HPSE: variants seen among roughly 807,000 people sequenced by gnomAD.
The protein encoded by HPSE is endo-glucoronidase.
Under a neutral mutation model 65.1 loss-of-function variants are expected in HPSE, and 48 were observed. The observed-to-expected ratio is 0.74, with a 90% CI of 0.58 to 0.94. The LOEUF is 0.94. HPSE is among the 40% of genes least tolerant of loss of function. HPSE has a pLI of 0.00. For missense variants in HPSE, 644 were observed against 637.5 expected (o/e 1.01, Z -0.11); for synonymous variants, 243 against 260.0 (o/e 0.93, Z 0.63).
intron 3 of HPSE, 66 bp downstream of exon 3, chr4:83,319,276 TGC>T: frequency 6.7e-7 from 1 of 1,500,490 alleles, no homozygotes; most frequent in Non-Finnish European, 9.2e-7. Context: ...GCTAGATTGG[TGC>T]CCGAGTCCAA....
At chr4:83,316,719 A>G (rs758275174) in intron 3 of HPSE, among the ~76,000 whole-genome samples, 3 of 152,192 alleles carry the variant, frequency 2.0e-5, no homozygotes, top group African/African-American at 2.4e-5. Flanking sequence ...TTACATCTGT[A>G]ACACTGCTTC....
rs545442384 is a variant in HPSE, at chr4:83,318,264, T to C, written c.499+1080A>G. ...GAGCAGGTTATTTCTTTAACTGAGA[T>C]ATGGGAACATCATCCCTCAGTGGGG... On this transcript the variant is annotated intron_variant, in intron 3 of 11. Transcript: ENST00000311412. Among the ~76,000 whole-genome samples, 5 of 152,330 alleles carry C rather than the reference T, an allele frequency of 3.3e-5. No homozygotes were observed. The East Asian group carries it at 7.7e-4, about 23-fold the overall frequency.
chr4:83,332,922 C>A (rs980229809), intron 1 of HPSE, among the ~76,000 whole-genome samples: 2 of 126,396 alleles, frequency 1.6e-5, no homozygotes, highest in African/African-American at 2.9e-5. Flanking sequence ...CAGTAACCGC[C>A]CCCCCCCACC....
At position 83,309,444 on chromosome 4, in the gene HPSE, A is replaced by G. The variant is rs2126187403; in HGVS notation, c.942T>C (p.Asp314=). The change falls in exon 7 of 12, where the codon GAT becomes GAC. Residue 314 remains aspartate, a synonymous_variant. Coordinates refer to ENST00000311412, the MANE Select transcript of HPSE (RefSeq NM_001098540.3). ...TATKEDFLNP[D]VLDIFISSVQ... is the part of the protein sequence containing the mutation. ...CAGATGAAATAAAAATGTCCAATAC[A>G]TCAGGGTTTAGAAAATCTTCCTTGG... 2 of 1,595,322 alleles carry G rather than the reference A, an allele frequency of 1.3e-6. No homozygotes were observed. The highest frequency in any genetic ancestry group is 1.7e-6 in the Non-Finnish European group (2 of 1,166,844).
At chr4:83,333,156 AT>A (rs1397687301) in intron 1 of HPSE, among the ~76,000 whole-genome samples, 1 of 152,214 alleles carries the variant, frequency 6.6e-6, no homozygotes, top group Non-Finnish European at 1.5e-5. Context: ...AAACCGGTGA[AT>A]GGCTACCAAA....
chr4:83,295,534 C>T (rs771371566), intron 11 of HPSE, 31 bp from the exon 12 acceptor site: 1 of 1,521,832 alleles, frequency 6.6e-7, no homozygotes, highest in Non-Finnish European at 8.9e-7. Flanking sequence ...CCGAGTTAAC[C>T]AAGTGGTGCA....
chr4:83,326,026 C>T lies in HPSE; in HGVS notation c.228-3662G>A, dbSNP rs1737140816. On this transcript the variant is annotated intron_variant, in intron 1 of 11. Transcript: ENST00000311412. The surrounding 1 kb of genome is among the most constrained non-coding windows in gnomAD (Gnocchi z 4.2). ...CCCGTAAGCCACATGTCCAGGAGTG[C>T]CAACTTTATATGAGGGCAACGGTGA... Among the ~76,000 whole-genome samples, 8 of 152,152 alleles carry T rather than the reference C, an allele frequency of 5.3e-5. No individual in the cohort carries two copies. In the South Asian group the frequency reaches 1.7e-3, roughly 32 times the overall value.
intron 1 of HPSE, among the ~76,000 whole-genome samples, chr4:83,332,362 A>G (rs1737410918): frequency 6.6e-6 from 1 of 152,188 alleles, no homozygotes; most frequent in African/African-American, 2.4e-5. Flanking sequence ...TCCCTCTTTT[A>G]GGTCTTAGCA....
At position 83,310,847 on chromosome 4, in the gene HPSE, C is replaced by T. The variant is rs140765573; in HGVS notation, c.717G>A (p.Gly239=). Residue 239 remains glycine (G), a synonymous_variant, in exon 5 of 12, where the codon GGG becomes GGA. Transcript: ENST00000311412. ...FLKKADIFIN[G]SQLGEDFIQL... is the part of the protein sequence containing the mutation. ...GAATAAAATCTTCTCCTAACTGCGA[C>T]CCATTGATGAAAATATCAGCCTTCT... 3.1e-6 allele frequency: 5 copies of T among 1,613,782 alleles called. No individual in the cohort carries two copies. The African/African-American group carries it at 5.3e-5, about 17-fold the overall frequency.
Position 83,326,173 on chromosome 4 carries a change from G to A in HPSE, c.228-3809C>T, listed in dbSNP as rs1357770824. On this transcript the variant is annotated intron_variant, in intron 1 of 11. Transcript: ENST00000311412. The surrounding 1 kb of genome is among the most constrained non-coding windows in gnomAD (Gnocchi z 4.2). ...AGGTAACAGCTCAGAGATGGAGAGA[G>A]ATGGATAAATTCAAGACACACTTAG... 1.3e-5 allele frequency among the ~76,000 whole-genome samples: 2 copies of A among 152,156 alleles called. No individual in the cohort carries two copies. The highest frequency in any genetic ancestry group is 2.9e-5 in the Non-Finnish European group (2 of 68,038).
Position 83,334,794 on chromosome 4 carries a change from C to G in HPSE, c.-12G>C. ...GAGCGCAGCAGCATCTTGGGCTCACCTGGCTGCTCCCCCCGCCAGCTGCCG... is the reference window on the plus strand; with the variant it reads ...GAGCGCAGCAGCATCTTGGGCTCACGTGGCTGCTCCCCCCGCCAGCTGCCG... On this transcript the variant is annotated 5_prime_UTR_variant, in exon 1 of 12. Transcript: ENST00000311412. The G allele has an allele frequency of 2.0e-6, 3 of 1,508,448 alleles. No individual in the cohort carries two copies. The highest frequency in any genetic ancestry group is 2.7e-6 in the Non-Finnish European group (3 of 1,127,470). The allele number at this position is 1,508,448 out of a possible 1,614,324, so 93.4% of individuals were successfully genotyped here.
In HPSE at chr4:83,310,831, C is replaced by A; in HGVS notation, c.733G>T (p.Asp245Tyr). 1 of 1,613,924 alleles carries A rather than the reference C, an allele frequency of 6.2e-7. No individual in the cohort carries two copies. Among genetic ancestry groups the A allele is most frequent in the Non-Finnish European group, 8.5e-7 (1 of 1,179,802 alleles). The change falls in exon 5 of 12, where the codon GAT becomes TAT. Residue 245 changes from aspartate to tyrosine, a missense_variant. Transcript: ENST00000311412. ...IFINGSQLGE[D>Y]FIQLHKLLRK... ...AGAAGTTTATGCAATTGAATAAAAT[C>A]TTCTCCTAACTGCGACCCATTGATG...
chr4:83,320,517 G>A (rs962553975), intron 2 of HPSE, among the ~76,000 whole-genome samples: 1 of 151,130 alleles, frequency 6.6e-6, no homozygotes, highest in African/African-American at 2.4e-5. Context: ...AGTGAGCCAA[G>A]ATCCCGCCAT....
chr4:83,294,105 G>C lies in HPSE; in HGVS notation c.*1239C>G, dbSNP rs1032953640. ...TTTTTTTGAGATGGAATCTCTCTCT[G>C]TCACCCAGGCTGGAGTGCAGTGGCA... On this transcript the variant is annotated 3_prime_UTR_variant, in exon 12 of 12. Transcript: ENST00000311412. 3 of 152,170 alleles carry C rather than the reference G, an allele frequency of 2.0e-5. No individual in the cohort carries two copies. The highest frequency in any genetic ancestry group is 2.0e-4 in the Admixed American group (3 of 15,274). The allele number at this position is 152,170 out of a possible 1,614,324, so 9.4% of individuals were successfully genotyped here. A position where few individuals can be genotyped will look rare whatever the true frequency, so the allele number is the denominator to read the frequency against.
At position 83,313,145 on chromosome 4, in the gene HPSE, C is replaced by G; in HGVS notation, c.642G>C (p.Lys214Asn). The change falls in exon 4 of 12, where the codon AAG becomes AAC. Residue 214 changes from lysine (K) to asparagine (N), a missense_variant. Lys to Asn is a moderately conservative substitution (Grantham distance 94). Transcript: ENST00000311412. ...AQLLLDYCSS[K>N]GYNISWELGN... is the part of the protein sequence containing the mutation. ...CTAGTTCCCAAGAAATGTTATACCC[C>G]TTGGAAGAGCAGTAGTCCAGGAGCA... 4.3e-6 allele frequency: 7 copies of G among 1,613,890 alleles called. No individual in the cohort carries two copies. The highest frequency in any genetic ancestry group is 5.9e-6 in the Non-Finnish European group (7 of 1,179,844).
intron 10 of HPSE, 52 bp from the exon 11 acceptor site, chr4:83,301,158 TAAA>T (rs1245347262): frequency 8.2e-7 from 1 of 1,214,720 alleles, no homozygotes; most frequent in Non-Finnish European, 1.2e-6. Flanking sequence ...TTTAAGCAAT[TAAA>T]AACTCAATTA....
At chr4:83,303,643 G>A (rs1736043792) in intron 9 of HPSE, among the ~76,000 whole-genome samples, 1 of 152,170 alleles carries the variant, frequency 6.6e-6, no homozygotes, top group Non-Finnish European at 1.5e-5. Flanking sequence ...TCAACCTCCT[G>A]GGCTAAAGCG....
chr4:83,309,545 T>G, intron 6 of HPSE, 50 bp from the exon 7 acceptor site: 2 of 1,034,856 alleles, frequency 1.9e-6, no homozygotes, highest in South Asian at 1.4e-5. Context: ...TTTTACTTTC[T>G]GCTTTTAGGT....
rs6857500 is a variant in HPSE at position 83,310,622 on chromosome 4, T to C, written c.842+100A>G. 9,771 of 1,123,228 alleles carry C rather than the reference T, an allele frequency of 8.7e-3. 599 individuals are homozygous for C. In the African/African-American group the frequency reaches 0.13, roughly 15 times the overall value. 69.6% of individuals were successfully genotyped at this position (1,123,228 alleles called of 1,614,324 possible). ...GGGAGGTCGAAGTTGCAGTGAGCCA[T>C]GATTGTACCACTGCACTCCAGTCTG... On this transcript the variant is annotated intron_variant, in intron 5 of 11. Coordinates refer to ENST00000311412, the MANE Select transcript of HPSE (RefSeq NM_001098540.3).
Sources: gnomAD v4.1 joint callset for allele counts (sites outside exome capture counted in the v4.1 genomes callset) on GRCh38, gnomAD v4.1.1 for gene constraint, Gnocchi (gnomAD v3.1) non-coding constraint, MANE v1.5 for transcripts, NCBI Gene and HGNC (gene_info 2026-07-23, HGNC 2026-07-21) for gene names.